CABLES1: variants seen among roughly 807,000 people sequenced by gnomAD.
CABLES1 encodes Cdk5 and Abl enzyme substrate 1.
Under a neutral mutation model 57.8 loss-of-function variants are expected in CABLES1, and 36 were observed. The ratio of observed to expected loss-of-function variants is 0.62; its 90% CI spans 0.48 to 0.82. The LOEUF (loss-of-function observed/expected upper bound fraction) is 0.82, where lower values mean the gene tolerates loss of function less well. Among genes scored for constraint, CABLES1 ranks in the 40% least tolerant of loss-of-function variants. CABLES1 has a pLI of 0.00. For synonymous variants in CABLES1, 374 were observed against 363.0 expected, an observed-to-expected ratio of 1.03 and a Z score of -0.35; for missense variants, 767 against 836.6, an observed-to-expected ratio of 0.92 and a Z score of 1.03.
chr18:23,168,684 G>A (rs2047060418), intron 1 of CABLES1, among the ~76,000 whole-genome samples: 1 of 152,232 alleles, frequency 6.6e-6, no homozygotes, highest in African/African-American at 2.4e-5. Flanking sequence ...AGGCTAGGGT[G>A]GACGTGGAGC....
intron 1 of CABLES1, among the ~76,000 whole-genome samples, chr18:23,185,528 C>A (rs1014512611): frequency 1.3e-5 from 2 of 152,130 alleles, no homozygotes; most frequent in African/African-American, 4.8e-5. Flanking sequence ...GGTGAACCTG[C>A]CTGTCTGGGC....
chr18:23,235,452 G>A (rs1213753389), intron 5 of CABLES1, among the ~76,000 whole-genome samples: 1 of 152,204 alleles, frequency 6.6e-6, no homozygotes, highest in Non-Finnish European at 1.5e-5. Flanking sequence ...GGGATGGAGT[G>A]GAGGGTCATA....
At chr18:23,219,270 G>T (rs1484111569) in intron 4 of CABLES1, 1 of 454,012 alleles carries the variant, frequency 2.2e-6, no homozygotes, top group African/African-American at 2.0e-5. Context: ...GTAGGAGACG[G>T]GAATAAGCTA....
chr18:23,143,835 C>G (rs970205626), intron 1 of CABLES1, among the ~76,000 whole-genome samples: 96 of 152,298 alleles, frequency 6.3e-4, no homozygotes, highest in African/African-American at 1.5e-3. Context: ...TCCCTCCCCC[C>G]CTGGGCTGTC....
chr18:23,208,380 G>T (rs1334685318), intron 3 of CABLES1, among the ~76,000 whole-genome samples: 1 of 152,182 alleles, frequency 6.6e-6, no homozygotes, highest in Non-Finnish European at 1.5e-5. Flanking sequence ...GTTGGTGGTG[G>T]TGGTGTTTTC....
intron 4 of CABLES1, among the ~76,000 whole-genome samples, chr18:23,224,120 T>C (rs2047509889): frequency 6.6e-6 from 1 of 151,846 alleles, no homozygotes; most frequent in South Asian, 2.1e-4. Flanking sequence ...TCCACTTTTT[T>C]TTTTTTTTTT....
chr18:23,184,269 G>A (rs2145009177), intron 1 of CABLES1, among the ~76,000 whole-genome samples: 1 of 152,136 alleles, frequency 6.6e-6, no homozygotes, highest in Non-Finnish European at 1.5e-5. Context: ...CTGATCAGAA[G>A]TGCCCATGCG....
At chr18:23,148,090 C>T (rs1023842059) in intron 1 of CABLES1, among the ~76,000 whole-genome samples, 6 of 151,206 alleles carry the variant, frequency 4.0e-5, no homozygotes, top group African/African-American at 7.3e-5. Flanking sequence ...CCTGGATTCA[C>T]GCCATTCTGC....
intron 1 of CABLES1, among the ~76,000 whole-genome samples, chr18:23,157,738 C>A (rs926398682): frequency 6.6e-6 from 1 of 152,116 alleles, no homozygotes; most frequent in African/African-American, 2.4e-5. Context: ...CATAGTGACA[C>A]GTGCTTATAG....
intron 2 of CABLES1, among the ~76,000 whole-genome samples, chr18:23,193,278 G>A (rs537533065): frequency 6.6e-6 from 1 of 151,258 alleles, no homozygotes; most frequent in Admixed American, 6.7e-5. Context: ...TGCAACCTCG[G>A]CCTCCCGGGT....
At chr18:23,183,369 C>T (rs1204586055) in intron 1 of CABLES1, among the ~76,000 whole-genome samples, 1 of 152,196 alleles carries the variant, frequency 6.6e-6, no homozygotes, top group African/African-American at 2.4e-5. Flanking sequence ...TTTGCACCCA[C>T]GGAGGAACCG....
In CABLES1 at chr18:23,163,664, G is replaced by A. The variant is rs2047020792; in HGVS notation, c.846-25174G>A. On this transcript the variant is annotated intron_variant, in intron 1 of 9. Coordinates refer to ENST00000256925, the MANE Select transcript of CABLES1 (RefSeq NM_001100619.3). ...GTGGATACAGAAATATAGCAGGCTG[G>A]CAGGCACTGAGGAGTGGCCATCTTT... 2.6e-5 allele frequency among the ~76,000 whole-genome samples: 4 copies of A among 152,080 alleles called. No individual in the cohort carries two copies. The South Asian group carries it at 8.3e-4, about 31-fold the overall frequency.
chr18:23,159,878 TTTC>T (rs1277152979), intron 1 of CABLES1, among the ~76,000 whole-genome samples: 1 of 148,494 alleles, frequency 6.7e-6, no homozygotes. Flanking sequence ...ATTGATTTTC[TTTC>T]TTTTTTTTTT....
At chr18:23,217,607 A>G (rs922969203) in intron 4 of CABLES1, among the ~76,000 whole-genome samples, 4 of 152,194 alleles carry the variant, frequency 2.6e-5, no homozygotes, top group African/African-American at 9.7e-5. Flanking sequence ...CTTAACCATA[A>G]TTATGATTTT....
rs954808151 is a variant in CABLES1 at position 23,257,588 on chromosome 18, T to A, written c.*221T>A. 1 of 486,056 alleles carries A rather than the reference T, an allele frequency of 2.1e-6. No individual in the cohort carries two copies. Among genetic ancestry groups the A allele is most frequent in the Non-Finnish European group, 3.5e-6 (1 of 282,560 alleles). The allele number at this position is 486,056 out of a possible 1,614,324, so 30.1% of individuals were successfully genotyped here. A position where few individuals can be genotyped will look rare whatever the true frequency, so the allele number is the denominator to read the frequency against. ...ACTCCTCAAGCACGGGAAGAGGAGG[T>A]GTGTGCTGAGAACAGAGAGGCCCTG... On this transcript the variant is annotated 3_prime_UTR_variant, in exon 10 of 10. Coordinates refer to ENST00000256925, the MANE Select transcript of CABLES1 (RefSeq NM_001100619.3).
At chr18:23,185,925 T>G in intron 1 of CABLES1, among the ~76,000 whole-genome samples, 1 of 152,198 alleles carries the variant, frequency 6.6e-6, no homozygotes, top group East Asian at 1.9e-4. Flanking sequence ...ACAGTAAATC[T>G]TTTCATCACT....
intron 3 of CABLES1, among the ~76,000 whole-genome samples, chr18:23,213,661 C>G (rs964310176): frequency 6.6e-6 from 1 of 152,238 alleles, no homozygotes; most frequent in African/African-American, 2.4e-5. Context: ...ACCCTGGACT[C>G]AGATCTGTCT....
At chr18:23,198,379 G>A (rs1213518578) in intron 3 of CABLES1, among the ~76,000 whole-genome samples, 6 of 152,176 alleles carry the variant, frequency 3.9e-5, no homozygotes, top group Admixed American at 2.6e-4. Flanking sequence ...ACTAGATCTC[G>A]AGGAATGGAA....
At chr18:23,185,305 T>C (rs112172276) in intron 1 of CABLES1, among the ~76,000 whole-genome samples, 140 of 152,290 alleles carry the variant, frequency 9.2e-4, no homozygotes, top group African/African-American at 3.3e-3. Context: ...CCTTCTGTGC[T>C]CACTGTGGGA....
Sources: allele counts gnomAD v4.1 joint callset (sites outside exome capture counted in the v4.1 genomes callset), GRCh38; gene constraint gnomAD v4.1.1; transcripts MANE v1.5; gene names NCBI Gene and HGNC (gene_info 2026-07-23, HGNC 2026-07-21).